TMEM87B: variants seen among roughly 807,000 people sequenced by gnomAD.
TMEM87B encodes the protein transmembrane protein 87B.
In TMEM87B, 83 loss-of-function variants were observed where a neutral mutation model predicts 80.3. That is an observed-to-expected ratio of 1.03 (90% CI 0.87 to 1.24). The LOEUF is 1.24. Among genes scored for constraint, TMEM87B ranks in the 50% most tolerant of loss-of-function variants. TMEM87B has a pLI of 0.00. For missense variants in TMEM87B, 625 were observed against 674.4 expected, an observed-to-expected ratio of 0.93 and a Z score of 0.81; for synonymous variants, 219 against 230.5, an observed-to-expected ratio of 0.95 and a Z score of 0.45.
At position 112,117,269 on chromosome 2, in the gene TMEM87B, T is replaced by C. The variant is rs1302843883; in HGVS notation, c.*1126T>C. On this transcript the variant is annotated 3_prime_UTR_variant, in exon 19 of 19. Transcript: ENST00000283206. ...TTCATGACCAAAGATACAGGGCTAGTGGACATTTAGAATAATAATTAAAGC... is the reference window on the plus strand; with the variant it reads ...TTCATGACCAAAGATACAGGGCTAGCGGACATTTAGAATAATAATTAAAGC... 1 of 152,198 alleles carries C rather than the reference T, an allele frequency of 6.6e-6. No homozygotes were observed. The highest frequency in any genetic ancestry group is 1.9e-4 in the East Asian group (1 of 5,202). 9.4% of individuals were successfully genotyped at this position (152,198 alleles called of 1,614,324 possible). A position where few individuals can be genotyped will look rare whatever the true frequency, so the allele number is the denominator to read the frequency against.
intron 6 of TMEM87B, 31 bp downstream of exon 6, chr2:112,077,313 C>G (rs1678856514): frequency 4.2e-6 from 5 of 1,191,854 alleles, no homozygotes; most frequent in Admixed American, 2.2e-5. Context: ...TGTTTACTGT[C>G]TGCATTTTCT....
At chr2:112,101,681 A>T (rs1679636470) in intron 15 of TMEM87B, among the ~76,000 whole-genome samples, 1 of 152,194 alleles carries the variant, frequency 6.6e-6, no homozygotes, top group Non-Finnish European at 1.5e-5. Flanking sequence ...AAAGGCAGAC[A>T]TATGTGGTGT....
chr2:112,059,324 G>A (rs1678174473), intron 1 of TMEM87B, among the ~76,000 whole-genome samples: 1 of 151,932 alleles, frequency 6.6e-6, no homozygotes. Context: ...GGAGGGCCTG[G>A]CCGGATATGG....
At chr2:112,109,811 GAGTGC>G (rs1368659291) in intron 17 of TMEM87B, among the ~76,000 whole-genome samples, 1 of 148,182 alleles carries the variant, frequency 6.7e-6, no homozygotes, top group Non-Finnish European at 1.5e-5. Context: ...ACCCAGGGTG[GAGTGC>G]AGTGCAGTGG....
intron 11 of TMEM87B, chr2:112,095,512 T>C: frequency 2.2e-6 from 2 of 921,464 alleles, no homozygotes; most frequent in Non-Finnish European, 2.6e-6. Context: ...GACCAGATTT[T>C]TTTTTAATCC....
Position 112,086,208 on chromosome 2 carries a change from A to G in TMEM87B, c.938+104A>G, listed in dbSNP as rs1288371981. ...TGGAACTTCTAAGTATTGTAGTACA[A>G]ATCCCTTTGGGAAAAATCTACAAGA... On this transcript the variant is annotated intron_variant, in intron 9 of 18. Coordinates refer to ENST00000283206, the MANE Select transcript of TMEM87B (RefSeq NM_032824.3). 1.0e-5 allele frequency: 8 copies of G among 802,404 alleles called. No individual in the cohort carries two copies. The African/African-American group carries it at 1.1e-4, about 11-fold the overall frequency. The allele number at this position is 802,404 out of a possible 1,614,324, so 49.7% of individuals were successfully genotyped here. A position where few individuals can be genotyped will look rare whatever the true frequency, so the allele number is the denominator to read the frequency against.
intron 5 of TMEM87B, among the ~76,000 whole-genome samples, 155 bp downstream of exon 5, chr2:112,075,117 A>T (rs959575075): frequency 6.6e-6 from 1 of 152,182 alleles, no homozygotes; most frequent in East Asian, 1.9e-4. Flanking sequence ...GTATGTTTTC[A>T]GGCCAGGTGC....
At chr2:112,078,165 G>A (rs1056605884) in intron 6 of TMEM87B, among the ~76,000 whole-genome samples, 1 of 152,168 alleles carries the variant, frequency 6.6e-6, no homozygotes, top group African/African-American at 2.4e-5. Context: ...AGGGAGCAGG[G>A]ACCCTGATGC....
intron 15 of TMEM87B, 88 bp downstream of exon 15, chr2:112,100,783 A>T: frequency 1.3e-6 from 1 of 753,494 alleles, no homozygotes; most frequent in Non-Finnish European, 2.1e-6. Flanking sequence ...GGTCACATAT[A>T]TTGTTTTTTT....
chr2:112,091,648 G>A, intron 10 of TMEM87B, 64 bp from the exon 11 acceptor site: 1 of 1,078,958 alleles, frequency 9.3e-7, no homozygotes, highest in Non-Finnish European at 1.4e-6. Flanking sequence ...TTCATCAAAT[G>A]ATAATTGCTA....
At position 112,080,995 on chromosome 2, in the gene TMEM87B, G is replaced by T. The variant is rs368858617; in HGVS notation, c.593-62G>T. 23 of 1,460,336 alleles carry T rather than the reference G, an allele frequency of 1.6e-5. No homozygotes were observed. The African/African-American group carries it at 2.9e-4, about 19-fold the overall frequency. The allele number at this position is 1,460,336 out of a possible 1,614,324, so 90.5% of individuals were successfully genotyped here. A position where few individuals can be genotyped will look rare whatever the true frequency, so the allele number is the denominator to read the frequency against. On this transcript the variant is annotated intron_variant, in intron 6 of 18. Transcript: ENST00000283206. ...GTATTCTTGGAGCCTTCTGGGAAATGAACTTACATTTAAAGATTTAAGACT... is the reference window on the plus strand; with the variant it reads ...GTATTCTTGGAGCCTTCTGGGAAATTAACTTACATTTAAAGATTTAAGACT...
chr2:112,109,020 A>G (rs13431260), intron 17 of TMEM87B, among the ~76,000 whole-genome samples: 45 of 152,290 alleles, frequency 3.0e-4, no homozygotes, highest in Admixed American at 1.4e-3. Flanking sequence ...CTATGAAGTG[A>G]TATGTCATCG....
At chr2:112,079,424 T>C (rs937908031) in intron 6 of TMEM87B, among the ~76,000 whole-genome samples, 9 of 152,248 alleles carry the variant, frequency 5.9e-5, no homozygotes, top group African/African-American at 2.2e-4. Flanking sequence ...TCCATCCATG[T>C]TGTTGCAAAT....
At chr2:112,072,895 C>CTTTTT (rs71226782) in intron 4 of TMEM87B, among the ~76,000 whole-genome samples, 51 of 83,008 alleles carry the variant, frequency 6.1e-4, no homozygotes, top group African/African-American at 1.1e-3. Context: ...AACTCTTCTT[C>CTTTTT]TTTTTTTTTT....
At chr2:112,088,089 G>A (rs568835914) in intron 9 of TMEM87B, among the ~76,000 whole-genome samples, 6 of 152,192 alleles carry the variant, frequency 3.9e-5, no homozygotes, top group Non-Finnish European at 5.9e-5. Flanking sequence ...TCCTGTGTGC[G>A]TGCCCGTTTG....
intron 15 of TMEM87B, among the ~76,000 whole-genome samples, chr2:112,103,036 A>T (rs1316111012): frequency 2.0e-5 from 3 of 152,250 alleles, no homozygotes; most frequent in Admixed American, 2.0e-4. Flanking sequence ...TTCGCAGGCA[A>T]CATGGTTATG....
chr2:112,083,420 C>T (rs951270000), intron 8 of TMEM87B, among the ~76,000 whole-genome samples: 4 of 152,136 alleles, frequency 2.6e-5, no homozygotes, highest in Admixed American at 2.6e-4. Flanking sequence ...AAATTAAGTT[C>T]CTCAGTTGTT....
intron 5 of TMEM87B, among the ~76,000 whole-genome samples, chr2:112,075,336 G>T (rs1678776576): frequency 1.3e-5 from 2 of 152,156 alleles, no homozygotes; most frequent in Non-Finnish European, 2.9e-5. Context: ...GGAGGTGGAG[G>T]TTGCAGTGAG....
chr2:112,099,157 G>A (rs1188705059), intron 14 of TMEM87B, among the ~76,000 whole-genome samples: 1 of 152,212 alleles, frequency 6.6e-6, no homozygotes, highest in African/African-American at 2.4e-5. Flanking sequence ...GAGACTGCAT[G>A]TGATAGGAAG....
Sources: allele counts gnomAD v4.1 joint callset (sites outside exome capture counted in the v4.1 genomes callset), GRCh38; gene constraint gnomAD v4.1.1; transcripts MANE v1.5; gene names NCBI Gene and HGNC (gene_info 2026-07-23, HGNC 2026-07-21).